MGAT4A: variants seen among roughly 807,000 people sequenced by gnomAD.
MGAT4A encodes the protein alpha-1,3-mannosyl-glycoprotein 4-beta-N-acetylglucosaminyltransferase A.
MGAT4A carries 33 observed loss-of-function variants against 74.1 expected under a neutral mutation model. That is an observed-to-expected ratio of 0.45 (90% CI 0.34 to 0.60). The LOEUF (loss-of-function observed/expected upper bound fraction) is 0.60. MGAT4A is among the 20% of genes least tolerant of loss of function. MGAT4A has a pLI of 0.02. For synonymous variants in MGAT4A, 198 were observed against 210.4 expected, an observed-to-expected ratio of 0.94 and a Z score of 0.51; for missense variants, 479 against 628.3, an observed-to-expected ratio of 0.76 and a Z score of 2.54.
rs1701112501 is a variant in MGAT4A at position 98,624,370 on chromosome 2, A to AT, written c.*1195dup. 1 of 963,266 alleles carries AT rather than the reference A, an allele frequency of 1.0e-6. No individual in the cohort carries two copies. Among genetic ancestry groups the AT allele is most frequent in the Non-Finnish European group, 1.2e-6 (1 of 809,948 alleles). The allele number at this position is 963,266 out of a possible 1,614,324, so 59.7% of individuals were successfully genotyped here. On this transcript the variant is annotated 3_prime_UTR_variant, in exon 16 of 16. Transcript: ENST00000393487. ...AGATCACTGATTGCTGAGACCGGTA[A>AT]TATTCTTTGTTTATAGTAGTAATAT...
chr2:98,663,393 T>A, intron 4 of MGAT4A: 2 of 1,514,528 alleles, frequency 1.3e-6, no homozygotes, highest in Non-Finnish European at 1.8e-6. Context: ...AAAAAAGAAC[T>A]GATAAAAATG....
intron 8 of MGAT4A, among the ~76,000 whole-genome samples, chr2:98,655,077 G>GT (rs1409000273): frequency 1.3e-5 from 2 of 152,128 alleles, no homozygotes; most frequent in African/African-American, 2.4e-5. Flanking sequence ...TTAGTTCATT[G>GT]TAAGACCACT....
intron 2 of MGAT4A, among the ~76,000 whole-genome samples, chr2:98,718,083 T>A (rs1702616121): frequency 1.3e-5 from 2 of 152,220 alleles, no homozygotes; most frequent in Non-Finnish European, 2.9e-5. Flanking sequence ...AGGATATGAA[T>A]CTGATCTTTT....
chr2:98,659,376 C>A (rs995853931), intron 5 of MGAT4A, among the ~76,000 whole-genome samples: 1 of 152,120 alleles, frequency 6.6e-6, no homozygotes, highest in Non-Finnish European at 1.5e-5. Flanking sequence ...CCTCCTAACT[C>A]CAGATCCTTG....
At chr2:98,646,232 A>G (rs1221648824) in intron 8 of MGAT4A, among the ~76,000 whole-genome samples, 2 of 151,596 alleles carry the variant, frequency 1.3e-5, no homozygotes, top group African/African-American at 4.9e-5. Flanking sequence ...AATAAAATAC[A>G]CTTTTTCTTG....
intron 2 of MGAT4A, among the ~76,000 whole-genome samples, chr2:98,719,337 T>C (rs1160767708): frequency 6.6e-6 from 1 of 152,202 alleles, no homozygotes; most frequent in Non-Finnish European, 1.5e-5. Flanking sequence ...AACAATCAGC[T>C]GGTAATTAGT....
intron 12 of MGAT4A, among the ~76,000 whole-genome samples, chr2:98,639,233 G>C (rs1185035698): frequency 6.6e-6 from 1 of 151,784 alleles, no homozygotes; most frequent in Non-Finnish European, 1.5e-5. Context: ...GTTGCAATGA[G>C]CTACATTGCA....
At chr2:98,716,288 C>T (rs553950568) in intron 2 of MGAT4A, among the ~76,000 whole-genome samples, 35 of 152,276 alleles carry the variant, frequency 2.3e-4, no homozygotes, top group South Asian at 1.0e-3. Flanking sequence ...CACACTACTT[C>T]GCTCCAGCCT....
At position 98,645,453 on chromosome 2, in the gene MGAT4A, T is replaced by C; in HGVS notation, c.864A>G (p.Leu288=). The stretch of plus-strand genomic sequence containing the variant: ...CAATGAAGCCCAGCTGGGAAAACTC[T>C]AGAATCATCCATTCCTCAGAAGAAA... ...LQLSSEEWMI[L]EFSQLGFIGK... Residue 288 remains leucine, a synonymous_variant, in exon 9 of 16, where the codon CTA becomes CTG. Transcript: ENST00000393487. The C allele has an allele frequency of 1.3e-6, 2 of 1,584,780 alleles. No homozygotes were observed. Among genetic ancestry groups the C allele is most frequent in the Non-Finnish European group, 1.7e-6 (2 of 1,173,064 alleles).
At chr2:98,698,371 T>C (rs1395852182) in intron 2 of MGAT4A, among the ~76,000 whole-genome samples, 1 of 152,132 alleles carries the variant, frequency 6.6e-6, no homozygotes, top group Non-Finnish European at 1.5e-5. Flanking sequence ...GAGCTGAGAT[T>C]GCATCACTGC....
intron 2 of MGAT4A, among the ~76,000 whole-genome samples, chr2:98,680,335 C>T (rs931693546): frequency 4.6e-5 from 7 of 152,178 alleles, no homozygotes; most frequent in Admixed American, 2.6e-4. Context: ...TGAGCCACTG[C>T]GCCCAGCCAG....
intron 3 of MGAT4A, among the ~76,000 whole-genome samples, chr2:98,676,238 T>A (rs898741486): frequency 6.6e-6 from 1 of 152,162 alleles, no homozygotes; most frequent in African/African-American, 2.4e-5. Flanking sequence ...ATATGTAAAA[T>A]TAAAGTTTAA....
At chr2:98,718,749 C>T (rs1397949335) in intron 2 of MGAT4A, among the ~76,000 whole-genome samples, 1 of 152,162 alleles carries the variant, frequency 6.6e-6, no homozygotes, top group Non-Finnish European at 1.5e-5. Context: ...CTACCCAACC[C>T]CTGCTGATGG....
In MGAT4A at chr2:98,682,744, TCTAATCTC is replaced by T. The variant is rs370727142; in HGVS notation, c.95-4281_95-4274del. Among the ~76,000 whole-genome samples, 580 of 152,192 alleles carry T rather than the reference TCTAATCTC, an allele frequency of 3.8e-3. 5 individuals carry two copies. The highest frequency in any genetic ancestry group is 0.013 in the African/African-American group (541 of 41,546). On this transcript the variant is annotated intron_variant, in intron 2 of 15. Transcript: ENST00000393487. ...TCCTGCCCAAAATGCATAACCTGAT[TCTAATCTC>T]AAGGAAACATCGGACACATCCAAAT... is the stretch of plus-strand genomic sequence containing the variant.
chr2:98,628,611 A>AGT (rs1196820799), intron 14 of MGAT4A, among the ~76,000 whole-genome samples: 3 of 152,186 alleles, frequency 2.0e-5, no homozygotes, highest in Non-Finnish European at 4.4e-5. Flanking sequence ...GTGAGTTGGG[A>AGT]GTATCATTGT....
chr2:98,638,442 A>T (rs1441948428), intron 12 of MGAT4A, among the ~76,000 whole-genome samples: 2 of 152,242 alleles, frequency 1.3e-5, no homozygotes, highest in Non-Finnish European at 2.9e-5. Flanking sequence ...ATGTCAATAC[A>T]TACTAATCTA....
chr2:98,659,971 AC>A (rs1382390209), intron 5 of MGAT4A, among the ~76,000 whole-genome samples: 1 of 106,214 alleles, frequency 9.4e-6, no homozygotes, highest in African/African-American at 4.8e-5. Context: ...AGAAAAACAA[AC>A]AAAAAAGGTA....
intron 2 of MGAT4A, among the ~76,000 whole-genome samples, chr2:98,681,045 C>G (rs191210185): frequency 4.1e-4 from 63 of 152,246 alleles, no homozygotes; most frequent in African/African-American, 1.5e-3. Flanking sequence ...TGCAGTGGCG[C>G]GATCTCAGCT....
intron 8 of MGAT4A, among the ~76,000 whole-genome samples, chr2:98,653,172 G>C (rs1701606584): frequency 7.0e-6 from 1 of 143,380 alleles, no homozygotes. Context: ...GCCATACAAA[G>C]AGGGAAGTTT....
Sources: gnomAD v4.1 joint callset for allele counts (sites outside exome capture counted in the v4.1 genomes callset) on GRCh38, gnomAD v4.1.1 for gene constraint, MANE v1.5 for transcripts, NCBI Gene and HGNC (gene_info 2026-07-23, HGNC 2026-07-21) for gene names.